The following PKP2 variants were observed in gnomAD, a reference collection of about 807,000 sequenced individuals.
PKP2 encodes plakophilin-2.
In PKP2, 73 loss-of-function variants were observed where a neutral mutation model predicts 83.4. The observed-to-expected ratio is 0.88, with a 90% CI of 0.72 to 1.06. PKP2 has a LOEUF of 1.06. Among genes scored for constraint, PKP2 ranks in the 50% least tolerant of loss-of-function variants. PKP2 has a pLI of 0.00. For synonymous variants in PKP2, 409 were observed against 430.4 expected (o/e 0.95, Z 0.62); for missense variants, 966 against 1,065.4 (o/e 0.91, Z 1.30).
intron 9 of PKP2, among the ~76,000 whole-genome samples, chr12:32,808,334 T>C (rs976032183): frequency 6.6e-6 from 1 of 152,238 alleles, no homozygotes; most frequent in Non-Finnish European, 1.5e-5. Flanking sequence ...ATACTTGTGA[T>C]TGCACTGTGA....
rs532336032 is a variant in PKP2, at chr12:32,869,091, ATTCCAAACC to A, written c.1035-38_1035-30del. 111 of 1,613,206 alleles carry A rather than the reference ATTCCAAACC, an allele frequency of 6.9e-5. No homozygotes were observed. The African/African-American group carries it at 1.3e-3, about 19-fold the overall frequency. On this transcript the variant is annotated intron_variant, in intron 3 of 12. Coordinates refer to ENST00000340811, the MANE Select transcript of PKP2 (RefSeq NM_001005242.3). ...GACAAACAGGCACAGATTCAGCCAG[ATTCCAAACC>A]TCCCTCCTCCTGCCTACCAACCTGG...
At position 32,841,020 on chromosome 12, in the gene PKP2, A is replaced by G. The variant is rs1468299545; in HGVS notation, c.1556+8T>C. 1 of 1,609,854 alleles carries G rather than the reference A, an allele frequency of 6.2e-7. No homozygotes were observed. Among genetic ancestry groups the G allele is most frequent in the South Asian group, 1.1e-5 (1 of 90,966 alleles). ...TCTTCTATCAGGGCAGGGTACAGGT[A>G]GCATTACCTTAGGCATCCAGTGACG... is the stretch of plus-strand genomic sequence containing the variant. On this transcript the variant is annotated splice_region_variant and intron_variant, in intron 6 of 12. Transcript: ENST00000340811.
intron 6 of PKP2, among the ~76,000 whole-genome samples, chr12:32,836,243 A>G (rs991650495): frequency 6.6e-6 from 1 of 152,226 alleles, no homozygotes; most frequent in Non-Finnish European, 1.5e-5. Flanking sequence ...GTAATTCCAA[A>G]GGGACCTAAA....
At position 32,868,910 on chromosome 12, in the gene PKP2, C is replaced by T. The variant is rs1956872628; in HGVS notation, c.1170+17G>A. On this transcript the variant is annotated intron_variant, in intron 4 of 12. Coordinates refer to ENST00000340811, the MANE Select transcript of PKP2 (RefSeq NM_001005242.3). ...AAAGTGTGTTGCGCTTTGCAATGGA[C>T]TGAAGATGACACTCACCCTCTTCCG... is the stretch of plus-strand genomic sequence containing the variant. 6.2e-7 allele frequency: 1 copy of T among 1,611,864 alleles called. No individual in the cohort carries two copies. Among genetic ancestry groups the T allele is most frequent in the Non-Finnish European group, 8.5e-7 (1 of 1,179,430 alleles).
chr12:32,858,054 C>T (rs569614837), intron 4 of PKP2, among the ~76,000 whole-genome samples: 2 of 84,580 alleles, frequency 2.4e-5, no homozygotes, highest in Non-Finnish European at 4.3e-5. Flanking sequence ...ACAGGGAGAC[C>T]CCATCTCTAC....
chr12:32,793,076 A>G (rs574596259), intron 11 of PKP2, among the ~76,000 whole-genome samples: 1 of 152,128 alleles, frequency 6.6e-6, no homozygotes, highest in Admixed American at 6.6e-5. Flanking sequence ...CCCCGTCTGT[A>G]CTAAAAATAC....
chr12:32,806,467 T>C (rs1956226751), intron 9 of PKP2, among the ~76,000 whole-genome samples: 1 of 152,218 alleles, frequency 6.6e-6, no homozygotes, highest in Non-Finnish European at 1.5e-5. Context: ...CAGGAGTTTA[T>C]CCATGTTTTT....
intron 8 of PKP2, chr12:32,821,740 C>T: frequency 5.5e-6 from 3 of 546,264 alleles, no homozygotes; most frequent in Non-Finnish European, 9.8e-6. Context: ...TAACACTCCA[C>T]ACCCCTAACT....
intron 10 of PKP2, among the ~76,000 whole-genome samples, chr12:32,797,758 T>A (rs1262748): frequency 6.6e-6 from 1 of 151,772 alleles, no homozygotes; most frequent in Non-Finnish European, 1.5e-5. Context: ...GGGTTTCACC[T>A]TGTTAGCCAG....
intron 4 of PKP2, among the ~76,000 whole-genome samples, chr12:32,864,346 G>A (rs1219506791): frequency 4.1e-5 from 6 of 146,144 alleles, no homozygotes; most frequent in African/African-American, 7.6e-5. Flanking sequence ...ACATACACAC[G>A]TAAATATATA....
Position 32,882,637 on chromosome 12 carries a change from T to G in PKP2, c.224-3605A>C, listed in dbSNP as rs555924441. On this transcript the variant is annotated intron_variant, in intron 1 of 12. Coordinates refer to ENST00000340811, the MANE Select transcript of PKP2 (RefSeq NM_001005242.3). ...ACATTAAACATTCAAGTTGTTGCTGTGAGTTTTAAGCCTTTTTAAAGCAAC... is the reference window on the plus strand; with the variant it reads ...ACATTAAACATTCAAGTTGTTGCTGGGAGTTTTAAGCCTTTTTAAAGCAAC... Among the ~76,000 whole-genome samples, 3 of 152,362 alleles carry G rather than the reference T, an allele frequency of 2.0e-5. No homozygotes were observed. In the East Asian group the frequency reaches 5.8e-4, roughly 29 times the overall value.
chr12:32,826,441 T>C (rs981180521), intron 6 of PKP2, among the ~76,000 whole-genome samples: 2 of 152,018 alleles, frequency 1.3e-5, no homozygotes, highest in African/African-American at 2.4e-5. Flanking sequence ...CCCTCAAAAA[T>C]GGCAATTTCA....
intron 6 of PKP2, among the ~76,000 whole-genome samples, chr12:32,825,272 G>A (rs1004556948): frequency 5.4e-4 from 79 of 147,574 alleles, no homozygotes; most frequent in African/African-American, 1.8e-3. Context: ...GGGTTCAAGC[G>A]ATTCTCCTGC....
At chr12:32,829,471 A>C (rs1330727450) in intron 6 of PKP2, among the ~76,000 whole-genome samples, 1 of 151,184 alleles carries the variant, frequency 6.6e-6, no homozygotes, top group Non-Finnish European at 1.5e-5. Context: ...GGCTGGTTTC[A>C]AACTCCTGGT....
In PKP2 at chr12:32,828,834, C is replaced by CA. The variant is rs142070953; in HGVS notation, c.1557-4673dup. On this transcript the variant is annotated intron_variant, in intron 6 of 12. Coordinates refer to ENST00000340811, the MANE Select transcript of PKP2 (RefSeq NM_001005242.3). ...AAAGTAAAAGGCTACAGTTAGTTTC[C>CA]AGGACATGAGAATGGCCGGGAACAA... Among the ~76,000 whole-genome samples the CA allele has an allele frequency of 6.2e-3, 940 of 152,278 alleles. 16 individuals are homozygous for CA. Among genetic ancestry groups the CA allele is most frequent in the African/African-American group, 0.022 (915 of 41,544 alleles).
chr12:32,867,063 C>T (rs1956856020), intron 4 of PKP2, among the ~76,000 whole-genome samples: 1 of 152,184 alleles, frequency 6.6e-6, no homozygotes, highest in Non-Finnish European at 1.5e-5. Context: ...CATGGTGGCT[C>T]ACGCCTGTAA....
At chr12:32,808,438 T>C (rs1364374297) in intron 9 of PKP2, among the ~76,000 whole-genome samples, 1 of 152,212 alleles carries the variant, frequency 6.6e-6, no homozygotes, top group Non-Finnish European at 1.5e-5. Flanking sequence ...TGTTTTATCA[T>C]GATTCTTAGC....
At chr12:32,817,785 C>T (rs919690243) in intron 9 of PKP2, among the ~76,000 whole-genome samples, 10 of 152,070 alleles carry the variant, frequency 6.6e-5, no homozygotes, top group African/African-American at 1.9e-4. Flanking sequence ...GTAAGGTATG[C>T]GGTAGTGGGG....
At chr12:32,842,743 C>T (rs73303637) in intron 5 of PKP2, among the ~76,000 whole-genome samples, 8,037 of 151,916 alleles carry the variant, frequency 0.053, 754 homozygotes, top group African/African-American at 0.19. Context: ...GGCGCAATCT[C>T]GGCTACCTGC....
Sources: allele counts gnomAD v4.1 joint callset (sites outside exome capture counted in the v4.1 genomes callset), GRCh38; gene constraint gnomAD v4.1.1; transcripts MANE v1.5; gene names NCBI Gene and HGNC (gene_info 2026-07-23, HGNC 2026-07-21).